Variants in SLC44A5 observed in about 807,000 individuals in gnomAD.
The protein encoded by SLC44A5 is solute carrier family 44 member 5.
A neutral mutation model predicts 101.8 loss-of-function variants in SLC44A5; 57 were observed. The ratio of observed to expected loss-of-function variants is 0.56; its 90% CI spans 0.45 to 0.70. The LOEUF (loss-of-function observed/expected upper bound fraction) is 0.70. Ranked by LOEUF, SLC44A5 falls within the 30% of genes least tolerant of loss-of-function variation. The probability of loss-of-function intolerance (pLI) is 0.00; values close to 1 mark genes in which losing one functional copy is unlikely to be tolerated. For synonymous variants in SLC44A5, 281 were observed against 290.9 expected, an observed-to-expected ratio of 0.97 and a Z score of 0.35; for missense variants, 737 against 853.1, an observed-to-expected ratio of 0.86 and a Z score of 1.70.
intron 2 of SLC44A5, among the ~76,000 whole-genome samples, chr1:75,476,052 G>A (rs1667374729): frequency 6.6e-6 from 1 of 152,062 alleles, no homozygotes; most frequent in Admixed American, 6.5e-5. Flanking sequence ...GAATGGTGGT[G>A]CGCACCTGTA....
chr1:75,636,085 G>A, the SLC44A5 span, among the ~76,000 whole-genome samples: 4 of 151,896 alleles, frequency 2.6e-5, no homozygotes, highest in South Asian at 2.1e-4. Context: ...TTCACCCCTC[G>A]GAGTCTCCTT....
At chr1:75,316,273 G>A (rs1002387706) in intron 4 of SLC44A5, among the ~76,000 whole-genome samples, 6 of 152,094 alleles carry the variant, frequency 3.9e-5, no homozygotes, top group African/African-American at 9.7e-5. Flanking sequence ...TATTTTACCT[G>A]TTTTTGACAT....
chr1:75,508,183 T>A (rs1482728302), intron 2 of SLC44A5, among the ~76,000 whole-genome samples: 2 of 152,044 alleles, frequency 1.3e-5, no homozygotes, highest in African/African-American at 4.8e-5. Context: ...CATAGTAGAA[T>A]AAAAATAGAA....
intron 4 of SLC44A5, among the ~76,000 whole-genome samples, chr1:75,305,164 C>T (rs887360476): frequency 2.6e-5 from 4 of 152,192 alleles, no homozygotes; most frequent in Non-Finnish European, 5.9e-5. Context: ...ATCACCCAGA[C>T]TTAAAGTGTT....
intron 2 of SLC44A5, among the ~76,000 whole-genome samples, chr1:75,415,122 CA>C (rs750472608): frequency 5.9e-5 from 9 of 152,110 alleles, no homozygotes; most frequent in Non-Finnish European, 8.8e-5. Flanking sequence ...TACATAAACA[CA>C]AATGATATTT....
chr1:75,637,296 G>A, the SLC44A5 span, among the ~76,000 whole-genome samples: 3 of 151,972 alleles, frequency 2.0e-5, no homozygotes, highest in Admixed American at 1.3e-4. Context: ...TAAGCAAAAT[G>A]TGGTCTATAC....
chr1:75,251,779 C>T (rs1490029880), intron 6 of SLC44A5, among the ~76,000 whole-genome samples: 1 of 152,072 alleles, frequency 6.6e-6, no homozygotes, highest in Non-Finnish European at 1.5e-5. Flanking sequence ...ATATACATTA[C>T]TTTGGTAATC....
intron 3 of SLC44A5, among the ~76,000 whole-genome samples, chr1:75,385,762 G>T (rs1661285283): frequency 6.6e-6 from 1 of 151,968 alleles, no homozygotes. Context: ...CCAAAAAAGA[G>T]AATTTTAGAC....
At chr1:75,671,045 A>G in the SLC44A5 span, among the ~76,000 whole-genome samples, 1 of 152,238 alleles carries the variant, frequency 6.6e-6, no homozygotes, top group Admixed American at 6.5e-5. Context: ...AGGCGTAAGG[A>G]GAAAGCATGG....
intron 23 of SLC44A5, chr1:75,206,740 G>T: frequency 7.6e-7 from 1 of 1,308,986 alleles, no homozygotes; most frequent in Non-Finnish European, 1.1e-6. Flanking sequence ...AGCAGCCAAA[G>T]CAGGCAAAAG....
intron 23 of SLC44A5, among the ~76,000 whole-genome samples, 157 bp from the exon 24 acceptor site, chr1:75,203,990 A>G (rs1646706717): frequency 6.6e-6 from 1 of 152,048 alleles, no homozygotes; most frequent in African/African-American, 2.4e-5. Context: ...CATCAACATT[A>G]TTGTAAACAT....
chr1:75,570,292 G>C (rs1673006315), intron 1 of SLC44A5, among the ~76,000 whole-genome samples: 1 of 152,124 alleles, frequency 6.6e-6, no homozygotes, highest in African/African-American at 2.4e-5. Flanking sequence ...AAGAAGGAAG[G>C]GGCCCACAAG....
At chr1:75,685,274 G>A in the SLC44A5 span, among the ~76,000 whole-genome samples, 20 of 152,134 alleles carry the variant, frequency 1.3e-4, no homozygotes, top group African/African-American at 4.6e-4. Flanking sequence ...GAAGACCTTG[G>A]ACATGCCCTG....
At chr1:75,397,216 G>A (rs914697409) in intron 2 of SLC44A5, among the ~76,000 whole-genome samples, 4 of 152,104 alleles carry the variant, frequency 2.6e-5, no homozygotes, top group African/African-American at 9.7e-5. Context: ...TGGTAATTTT[G>A]GGGAATGGGG....
At chr1:75,311,301 G>C (rs750399632) in intron 4 of SLC44A5, among the ~76,000 whole-genome samples, 1 of 152,124 alleles carries the variant, frequency 6.6e-6, no homozygotes, top group Non-Finnish European at 1.5e-5. Flanking sequence ...ATTTTTAGTA[G>C]AGACGGGGTT....
At chr1:75,392,348 G>C (rs888732029) in intron 3 of SLC44A5, among the ~76,000 whole-genome samples, 2 of 151,888 alleles carry the variant, frequency 1.3e-5, no homozygotes, top group African/African-American at 4.8e-5. Flanking sequence ...TTAAAAGGTG[G>C]ACAAGATACT....
chr1:75,682,666 A>C, the SLC44A5 span, among the ~76,000 whole-genome samples: 4 of 151,886 alleles, frequency 2.6e-5, no homozygotes, highest in African/African-American at 9.7e-5. Flanking sequence ...AAGAAAACCT[A>C]GGCAATACCA....
chr1:75,247,263 A>G (rs1353200322), intron 7 of SLC44A5, among the ~76,000 whole-genome samples: 1 of 152,064 alleles, frequency 6.6e-6, no homozygotes, highest in African/African-American at 2.4e-5. Flanking sequence ...TATGAGAGAG[A>G]GAGAAATCAA....
At chr1:75,316,186 G>A (rs1373266376) in intron 4 of SLC44A5, among the ~76,000 whole-genome samples, 6 of 152,014 alleles carry the variant, frequency 3.9e-5, no homozygotes, top group Admixed American at 2.0e-4. Context: ...TTTATCTTCC[G>A]TCCACTCTCA....
Sources: gnomAD v4.1 joint callset for allele counts (sites outside exome capture counted in the v4.1 genomes callset) on GRCh38, gnomAD v4.1.1 for gene constraint, MANE v1.5 for transcripts, NCBI Gene and HGNC (gene_info 2026-07-23, HGNC 2026-07-21) for gene names.